The following MYO10 variants were observed in gnomAD, a reference collection of about 807,000 sequenced individuals.
MYO10 encodes the protein unconventional myosin-X.
In MYO10, 133 loss-of-function variants were observed where a neutral mutation model predicts 257.3. That is an observed-to-expected ratio of 0.52 (90% confidence interval 0.45 to 0.60). The LOEUF (loss-of-function observed/expected upper bound fraction) is 0.60, where lower values mean the gene tolerates loss of function less well. MYO10 is among the 20% of genes least tolerant of loss of function. The probability of loss-of-function intolerance (pLI) is 0.00; values close to 1 mark genes in which losing one functional copy is unlikely to be tolerated. For synonymous variants in MYO10, 1,104 were observed against 1,028.6 expected (o/e 1.07, Z -1.40); for missense variants, 2,399 against 2,635.7 (o/e 0.91, Z 1.97).
chr5:16,793,000 G>C (rs138160734), intron 4 of MYO10, among the ~76,000 whole-genome samples: 164 of 152,328 alleles, frequency 1.1e-3, no homozygotes, highest in African/African-American at 3.7e-3. Context: ...GTTGCCACAA[G>C]TTGGGACTAG....
At position 16,681,385 on chromosome 5, in the gene MYO10, C is replaced by T. The variant is rs775759246; in HGVS notation, c.4308G>A (p.Ala1436=). ...LDYYKSSEKN[A]LKLGTLVLNS... ...TGAGGACCAGGGTCCCCAGTTTGAG[C>T]GCGTTCTTCTCTGAACTCTTGTAGT... The change falls in exon 32 of 41, where the codon GCG becomes GCA. Residue 1436 remains alanine, a synonymous_variant. Coordinates refer to ENST00000513610, the MANE Select transcript of MYO10 (RefSeq NM_012334.3). The T allele has an allele frequency of 6.2e-6, 10 of 1,613,990 alleles. No homozygotes were observed. The highest frequency in any genetic ancestry group is 1.6e-4 in the Middle Eastern group (1 of 6,062).
chr5:16,778,540 C>T (rs1286731983), intron 9 of MYO10, among the ~76,000 whole-genome samples: 1 of 152,034 alleles, frequency 6.6e-6, no homozygotes, highest in Non-Finnish European at 1.5e-5. Context: ...GAACTGGAGC[C>T]TGACGTACGC....
At chr5:16,685,716 AT>A in intron 29 of MYO10, 21 bp downstream of exon 29, 1 of 876,998 alleles carries the variant, frequency 1.1e-6, no homozygotes, top group Non-Finnish European at 1.6e-6. Context: ...CCCCACCCCC[AT>A]CCCACACAGT....
At chr5:16,694,279 G>A in intron 27 of MYO10, 92 bp downstream of exon 27, 1 of 1,564,664 alleles carries the variant, frequency 6.4e-7, no homozygotes, top group Non-Finnish European at 8.7e-7. Flanking sequence ...ACAGGCTACT[G>A]CCGCTGCAAG....
At chr5:16,721,671 C>T (rs1579905717) in intron 19 of MYO10, among the ~76,000 whole-genome samples, 2 of 152,270 alleles carry the variant, frequency 1.3e-5, no homozygotes, top group Non-Finnish European at 2.9e-5. Flanking sequence ...CCAAGTACAA[C>T]CTTCAACCCA....
intron 1 of MYO10, among the ~76,000 whole-genome samples, chr5:16,885,476 A>G (rs1744870612): frequency 6.6e-6 from 1 of 152,158 alleles, no homozygotes; most frequent in African/African-American, 2.4e-5. Context: ...GTTCAAGACC[A>G]GCCTGGCCAA....
At position 16,813,469 on chromosome 5, in the gene MYO10, C is replaced by G. The variant is rs948121407; in HGVS notation, c.279+4540G>C. Among the ~76,000 whole-genome samples the G allele has an allele frequency of 5.6e-4, 85 of 151,786 alleles. 2 individuals carry two copies. Among genetic ancestry groups the G allele is most frequent in the South Asian group, 4.2e-4 (2 of 4,804 alleles). Reference sequence around the variant, plus strand: ...TACTCAGGCGAGAGGATCACTGGAGCCCAGGAGTGAGTTAGAGGCTGCAGG... The same window carrying G: ...TACTCAGGCGAGAGGATCACTGGAGGCCAGGAGTGAGTTAGAGGCTGCAGG... On this transcript the variant is annotated intron_variant, in intron 3 of 40. Transcript: ENST00000513610.
Position 16,663,343 on chromosome 5 carries a change from T to TTTG in MYO10, c.*3348_*3349insCAA, listed in dbSNP as rs1736045364. The TTTG allele has an allele frequency of 2.6e-5, 2 of 76,528 alleles. No homozygotes were observed. Among genetic ancestry groups the TTTG allele is most frequent in the African/African-American group, 8.2e-5 (2 of 24,300 alleles). The allele number at this position is 76,528 out of a possible 1,614,324, so 4.7% of individuals were successfully genotyped here. A position where few individuals can be genotyped will look rare whatever the true frequency, so the allele number is the denominator to read the frequency against. On this transcript the variant is annotated 3_prime_UTR_variant, in exon 41 of 41. Transcript: ENST00000513610. ...ACTTCTAGTTGTTTTTTTTTTTTTT[T>TTTG]TTTTTTTTTTTTTTTTTTTTTTTTA...
chr5:16,693,859 T>C (rs926265986), intron 27 of MYO10, among the ~76,000 whole-genome samples: 4 of 152,180 alleles, frequency 2.6e-5, no homozygotes, highest in African/African-American at 9.7e-5. Context: ...AGGGGGCATG[T>C]TGGATTTGAA....
intron 19 of MYO10, among the ~76,000 whole-genome samples, chr5:16,727,312 A>C (rs1247223929): frequency 6.6e-6 from 1 of 152,198 alleles, no homozygotes; most frequent in Non-Finnish European, 1.5e-5. Context: ...GTTTATAAGG[A>C]CTTGGAGAGT....
chr5:16,733,164 C>T (rs997404427), intron 19 of MYO10, among the ~76,000 whole-genome samples: 3 of 151,862 alleles, frequency 2.0e-5, no homozygotes, highest in African/African-American at 7.3e-5. Flanking sequence ...ACAACAACAA[C>T]AACAAAAATA....
intron 9 of MYO10, among the ~76,000 whole-genome samples, chr5:16,777,840 T>C (rs72732228): frequency 0.096 from 5,142 of 53,374 alleles, 285 homozygotes; most frequent in African/African-American, 0.12. Context: ...TGCATCTAAC[T>C]TTTTTTTTTT....
chr5:16,847,227 C>T (rs1337246504), intron 2 of MYO10, among the ~76,000 whole-genome samples: 3 of 152,070 alleles, frequency 2.0e-5, no homozygotes, highest in Non-Finnish European at 4.4e-5. Flanking sequence ...GTTAGCAGAC[C>T]ATCCTGGCTA....
At chr5:16,934,459 C>T (rs559978833) in intron 1 of MYO10, among the ~76,000 whole-genome samples, 11 of 152,230 alleles carry the variant, frequency 7.2e-5, no homozygotes, top group African/African-American at 2.7e-4. Flanking sequence ...CACTGTAGCC[C>T]GAGGGTCCTT....
intron 39 of MYO10, among the ~76,000 whole-genome samples, chr5:16,669,581 T>G (rs1736346091): frequency 6.6e-6 from 1 of 152,172 alleles, no homozygotes; most frequent in South Asian, 2.1e-4. Context: ...TATCTATTCC[T>G]TGTCAGGGAG....
chr5:16,751,675 C>T (rs1402864275), intron 19 of MYO10, among the ~76,000 whole-genome samples: 5 of 148,426 alleles, frequency 3.4e-5, no homozygotes, highest in East Asian at 2.0e-4. Context: ...TTAGTAGAGA[C>T]GAGGTTTCAC....
At chr5:16,673,989 G>T in intron 35 of MYO10, 100 bp from the exon 36 acceptor site, 1 of 994,498 alleles carries the variant, frequency 1.0e-6, no homozygotes, top group Non-Finnish European at 1.5e-6. Context: ...AGCAGTGAAT[G>T]GTCCCCCACT....
chr5:16,820,534 C>T (rs530252798), intron 2 of MYO10, among the ~76,000 whole-genome samples: 2 of 152,196 alleles, frequency 1.3e-5, no homozygotes, highest in East Asian at 3.9e-4. Context: ...AACTCGAGTT[C>T]CCTTCCCAAA....
chr5:16,680,482 T>C (rs1204134047), intron 32 of MYO10, among the ~76,000 whole-genome samples: 1 of 152,186 alleles, frequency 6.6e-6, no homozygotes, highest in African/African-American at 2.4e-5. Flanking sequence ...TATTTCTTCC[T>C]TTCCTTTCTT....
Sources: allele counts gnomAD v4.1 joint callset (sites outside exome capture counted in the v4.1 genomes callset), GRCh38; gene constraint gnomAD v4.1.1; transcripts MANE v1.5; gene names NCBI Gene and HGNC (gene_info 2026-07-23, HGNC 2026-07-21).